Variants in ABCA9 observed in about 807,000 individuals in gnomAD.
The protein encoded by ABCA9 is ATP-binding cassette sub-family A member 9.
A neutral mutation model predicts 205.3 loss-of-function variants in ABCA9; 183 were observed. The ratio of observed to expected loss-of-function variants is 0.89; its 90% CI spans 0.79 to 1.01. The LOEUF is 1.01. Ranked by LOEUF, ABCA9 falls within the 50% of genes least tolerant of loss-of-function variation. The pLI is 0.00. For missense variants in ABCA9, 1,805 were observed against 1,912.4 expected (o/e 0.94, Z 1.05); for synonymous variants, 651 against 683.3 (o/e 0.95, Z 0.74).
At chr17:68,992,871 A>C (rs2069500481) in intron 27 of ABCA9, 145 bp downstream of exon 27, 1 of 597,556 alleles carries the variant, frequency 1.7e-6, no homozygotes, top group South Asian at 2.0e-5. Flanking sequence ...GTGTGTGTGC[A>C]CGCATGCATG....
chr17:69,052,395 A>G (rs928697210), intron 1 of ABCA9, among the ~76,000 whole-genome samples: 4 of 152,164 alleles, frequency 2.6e-5, no homozygotes, highest in African/African-American at 9.7e-5. Flanking sequence ...AGAAAAAATT[A>G]TAACACATAC....
intron 34 of ABCA9, among the ~76,000 whole-genome samples, chr17:68,984,609 A>G (rs2069169428): frequency 6.6e-6 from 1 of 152,198 alleles, no homozygotes; most frequent in African/African-American, 2.4e-5. Context: ...TGTTGCAGAA[A>G]GATTTAAAGC....
intron 25 of ABCA9, among the ~76,000 whole-genome samples, chr17:69,003,294 C>T (rs1320769202): frequency 6.6e-6 from 1 of 151,718 alleles, no homozygotes. Flanking sequence ...CCTTCAGGAG[C>T]TCTTTTAGGG....
At chr17:69,043,156 A>T (rs140760943) in intron 6 of ABCA9, 62 of 184,650 alleles carry the variant, frequency 3.4e-4, no homozygotes, top group African/African-American at 1.5e-3. Context: ...ATCATCAGGC[A>T]TTGGATACTC....
intron 22 of ABCA9, among the ~76,000 whole-genome samples, chr17:69,013,604 G>A (rs552176591): frequency 6.6e-6 from 1 of 152,152 alleles, no homozygotes; most frequent in South Asian, 2.1e-4. Context: ...GTTCATAAAT[G>A]ACATATTATG....
At chr17:69,009,839 G>C (rs149879165) in intron 23 of ABCA9, among the ~76,000 whole-genome samples, 1 of 152,066 alleles carries the variant, frequency 6.6e-6, no homozygotes, top group Non-Finnish European at 1.5e-5. Context: ...GAAGATGAGA[G>C]AGAAAGAAAG....
chr17:68,996,013 AC>A lies in ABCA9; in HGVS notation c.3436del (p.Val1146TrpfsTer6). 6.2e-7 allele frequency: 1 copy of A among 1,613,360 alleles called. No individual in the cohort carries two copies. Among genetic ancestry groups the A allele is most frequent in the Non-Finnish European group, 8.5e-7 (1 of 1,179,884 alleles). ...AGTAGCAACTATCGAGAAGATGACC[AC>A]CTAAAACAAATGCACAGTATAGCGT... ...SGIWSFFFLI[V>X]VIFSIVATDL... On this transcript the variant is annotated frameshift_variant and splice_region_variant, in exon 26 of 39. Coordinates refer to ENST00000340001, the MANE Select transcript of ABCA9 (RefSeq NM_080283.4). LOFTEE classifies it high-confidence loss of function.
In ABCA9 at chr17:69,045,330, G is replaced by T. The variant is rs756977011; in HGVS notation, c.311C>A (p.Thr104Lys). Residue 104 changes from threonine to lysine, a missense_variant, in exon 4 of 39, where the codon ACA (threonine) becomes AAA (lysine). Physicochemically the swap from Thr to Lys is moderately conservative, Grantham distance 78. Coordinates refer to ENST00000340001, the MANE Select transcript of ABCA9 (RefSeq NM_080283.4). ...VASAPFLKGR[T>K]IMGWPDEKSM... The stretch of plus-strand genomic sequence containing the variant: ...TTTTTCATCAGGCCACCCCATGATT[G>T]TTCTTCCTGCCATGTGAAGAAAACA... The T allele has an allele frequency of 6.2e-7, 1 of 1,607,104 alleles. No individual in the cohort carries two copies. The highest frequency in any genetic ancestry group is 1.3e-5 in the African/African-American group (1 of 74,396).
chr17:68,983,894 T>C, intron 35 of ABCA9, 45 bp from the exon 36 acceptor site: 1 of 1,612,988 alleles, frequency 6.2e-7, no homozygotes, highest in East Asian at 2.2e-5. Context: ...AAGAGAAAAA[T>C]GTATGGCTTG....
intron 25 of ABCA9, among the ~76,000 whole-genome samples, chr17:69,006,228 A>T (rs1486560006): frequency 6.6e-6 from 1 of 152,210 alleles, no homozygotes; most frequent in African/African-American, 2.4e-5. Context: ...GTTTGGCAAG[A>T]TCAACTAAAG....
chr17:69,035,338 C>T lies in ABCA9; in HGVS notation c.1036G>A (p.Gly346Arg), dbSNP rs754966702. The change falls in exon 8 of 39, where the codon GGA becomes AGA. Residue 346 changes from glycine to arginine, a missense_variant. Physicochemically the swap from Gly to Arg is moderately radical, Grantham distance 125. Transcript: ENST00000340001. ...AGACGTGTATACAATGCTGGGAATC[C>T]CAGGATCCCCCAAAAGACAATAAGG... is the stretch of plus-strand genomic sequence containing the variant. ...FLLIVFWGIL[G>R]FPALYTRLPA... 1 of 1,610,352 alleles carries T rather than the reference C, an allele frequency of 6.2e-7. No individual in the cohort carries two copies. Among genetic ancestry groups the T allele is most frequent in the South Asian group, 1.1e-5 (1 of 90,568 alleles).
intron 10 of ABCA9, among the ~76,000 whole-genome samples, chr17:69,029,896 C>T (rs1248170869): frequency 6.6e-6 from 1 of 151,958 alleles, no homozygotes; most frequent in East Asian, 1.9e-4. Context: ...TAAAAGAGGG[C>T]AAAGAAAAAT....
At chr17:69,030,145 C>G (rs1298231425) in intron 10 of ABCA9, among the ~76,000 whole-genome samples, 2 of 152,220 alleles carry the variant, frequency 1.3e-5, no homozygotes, top group African/African-American at 4.8e-5. Flanking sequence ...TCACAACAAA[C>G]CAGCAGGTAG....
At chr17:69,008,935 T>G (rs2070266360) in intron 23 of ABCA9, among the ~76,000 whole-genome samples, 1 of 152,174 alleles carries the variant, frequency 6.6e-6, no homozygotes. Context: ...AATCTAAAAT[T>G]GAGTCTATAT....
intron 37 of ABCA9, among the ~76,000 whole-genome samples, chr17:68,980,306 G>A (rs954004883): frequency 3.3e-5 from 5 of 152,150 alleles, no homozygotes; most frequent in African/African-American, 1.2e-4. Context: ...AGAGGATGTG[G>A]AGAAACAGGA....
upstream of ABCA9, chr17:69,061,229 C>A: frequency 1.1e-6 from 1 of 871,046 alleles, no homozygotes; most frequent in South Asian, 5.3e-5. Context: ...ATACAAGGCC[C>A]TAATGGGAGA....
chr17:69,048,017 G>A (rs1436795161), intron 3 of ABCA9, among the ~76,000 whole-genome samples: 8 of 152,152 alleles, frequency 5.3e-5, no homozygotes, highest in Admixed American at 3.9e-4. Context: ...AGATGGGGAA[G>A]CAGGCACCTT....
intron 25 of ABCA9, chr17:69,004,786 T>A (rs12951661): frequency 1.5e-4 from 21 of 144,694 alleles, no homozygotes; most frequent in South Asian, 4.3e-4. Flanking sequence ...TAGGACCCTC[T>A]GAGCCAGGTG....
chr17:69,013,785 T>C (rs1192856703), intron 22 of ABCA9, among the ~76,000 whole-genome samples: 4 of 151,910 alleles, frequency 2.6e-5, no homozygotes, highest in Non-Finnish European at 5.9e-5. Flanking sequence ...TGATAAAAAT[T>C]ATTGAGAGGG....
Sources: allele counts gnomAD v4.1 joint callset (sites outside exome capture counted in the v4.1 genomes callset), GRCh38; gene constraint gnomAD v4.1.1; transcripts MANE v1.5; gene names NCBI Gene and HGNC (gene_info 2026-07-23, HGNC 2026-07-21).